The following CRPPA variants were observed in gnomAD, a reference collection of about 807,000 sequenced individuals.
CRPPA encodes D-ribitol-5-phosphate cytidylyltransferase.
In CRPPA, 43 loss-of-function variants were observed where a neutral mutation model predicts 52.0. That is an observed-to-expected ratio of 0.83 (90% CI 0.65 to 1.07). The LOEUF is 1.07. Ranked by LOEUF, CRPPA falls within the 50% of genes least tolerant of loss-of-function variation. The pLI is 0.00. For synonymous variants in CRPPA, 250 were observed against 203.5 expected, an observed-to-expected ratio of 1.23 and a Z score of -1.94; for missense variants, 629 against 551.7, an observed-to-expected ratio of 1.14 and a Z score of -1.40.
At chr7:16,364,915 T>C (rs1199986039) in intron 3 of CRPPA, among the ~76,000 whole-genome samples, 1 of 152,208 alleles carries the variant, frequency 6.6e-6, no homozygotes, top group African/African-American at 2.4e-5. Context: ...TATTAAAGAA[T>C]TCCAGTAAAA....
chr7:16,330,454 C>T (rs1435068341), intron 3 of CRPPA, among the ~76,000 whole-genome samples: 1 of 152,090 alleles, frequency 6.6e-6, no homozygotes, highest in Non-Finnish European at 1.5e-5. Context: ...AGCTGCTGTC[C>T]CCAGAATCAT....
At chr7:16,100,878 T>C (rs1216769511) in intron 9 of CRPPA, among the ~76,000 whole-genome samples, 1 of 152,236 alleles carries the variant, frequency 6.6e-6, no homozygotes, top group Non-Finnish European at 1.5e-5. Flanking sequence ...TTGAATATTA[T>C]TGAGGGCCTT....
At chr7:16,338,424 A>G (rs1785740649) in intron 3 of CRPPA, among the ~76,000 whole-genome samples, 1 of 152,222 alleles carries the variant, frequency 6.6e-6, no homozygotes, top group Non-Finnish European at 1.5e-5. Flanking sequence ...ATGGCTAACT[A>G]ACATCATTCT....
At chr7:16,149,144 T>C (rs1783028341) in intron 9 of CRPPA, among the ~76,000 whole-genome samples, 1 of 152,188 alleles carries the variant, frequency 6.6e-6, no homozygotes, top group Non-Finnish European at 1.5e-5. Flanking sequence ...AATATACATA[T>C]GGTTTGTTTC....
At chr7:16,142,140 G>A (rs1782885493) in intron 9 of CRPPA, among the ~76,000 whole-genome samples, 1 of 152,178 alleles carries the variant, frequency 6.6e-6, no homozygotes, top group South Asian at 2.1e-4. Context: ...GGGCATCTAA[G>A]AGCTCTGCCA....
intron 9 of CRPPA, among the ~76,000 whole-genome samples, chr7:16,125,886 C>T (rs528704386): frequency 9.7e-6 from 1 of 102,582 alleles, no homozygotes; most frequent in Non-Finnish European, 2.0e-5. Context: ...TAGAAGCTTG[C>T]CTACACACAC....
At chr7:16,284,312 A>G (rs1453202203) in intron 5 of CRPPA, among the ~76,000 whole-genome samples, 1 of 152,110 alleles carries the variant, frequency 6.6e-6, no homozygotes, top group Non-Finnish European at 1.5e-5. Flanking sequence ...ATAGACATAT[A>G]TAAGGGGAAG....
At chr7:16,285,383 T>C (rs1298402239) in intron 5 of CRPPA, among the ~76,000 whole-genome samples, 2 of 152,178 alleles carry the variant, frequency 1.3e-5, no homozygotes, top group Non-Finnish European at 2.9e-5. Flanking sequence ...CCTCTGAGTT[T>C]TAGTTTTTAC....
chr7:16,171,947 G>A (rs929178589), intron 9 of CRPPA, among the ~76,000 whole-genome samples: 2 of 152,056 alleles, frequency 1.3e-5, no homozygotes, highest in African/African-American at 4.8e-5. Context: ...TTTTCCAGTG[G>A]TTTAGACATG....
intron 5 of CRPPA, among the ~76,000 whole-genome samples, chr7:16,281,276 CT>C (rs1225978244): frequency 6.6e-6 from 1 of 150,642 alleles, no homozygotes; most frequent in Non-Finnish European, 1.5e-5. Flanking sequence ...CCCCTTTCAT[CT>C]TTTGTTAGAT....
intron 9 of CRPPA, among the ~76,000 whole-genome samples, chr7:16,092,539 CATAT>C (rs1158248765): frequency 6.6e-6 from 1 of 152,088 alleles, no homozygotes; most frequent in Non-Finnish European, 1.5e-5. Context: ...TTCTTGCATC[CATAT>C]ACATTGAGAT....
At chr7:16,291,775 T>C (rs934416377) in intron 5 of CRPPA, among the ~76,000 whole-genome samples, 3 of 151,928 alleles carry the variant, frequency 2.0e-5, no homozygotes, top group Non-Finnish European at 4.4e-5. Flanking sequence ...TTTGAGATGA[T>C]TGATACCCTC....
chr7:16,130,732 T>C (rs1268225965), intron 9 of CRPPA, among the ~76,000 whole-genome samples: 1 of 152,230 alleles, frequency 6.6e-6, no homozygotes, highest in Non-Finnish European at 1.5e-5. Flanking sequence ...TTGGAAAGTA[T>C]TCCTAGAAGT....
intron 6 of CRPPA, among the ~76,000 whole-genome samples, chr7:16,263,579 C>G (rs940949809): frequency 1.3e-5 from 2 of 152,032 alleles, no homozygotes; most frequent in African/African-American, 4.8e-5. Flanking sequence ...TGGTGAAACC[C>G]CCGTCTCTAC....
intron 8 of CRPPA, chr7:16,237,287 A>G (rs1305297387): frequency 1.3e-5 from 2 of 152,128 alleles, no homozygotes; most frequent in Admixed American, 1.3e-4. Flanking sequence ...GCTTATTAAC[A>G]CCAGAAATTT....
At chr7:16,415,088 T>A (rs1485874998) in intron 1 of CRPPA, among the ~76,000 whole-genome samples, 1 of 152,218 alleles carries the variant, frequency 6.6e-6, no homozygotes, top group Non-Finnish European at 1.5e-5. Context: ...CAGATACTGG[T>A]GGGTTCAGAG....
intron 9 of CRPPA, among the ~76,000 whole-genome samples, chr7:16,159,473 T>A (rs1783257434): frequency 6.6e-6 from 1 of 152,344 alleles, no homozygotes; most frequent in South Asian, 2.1e-4. Flanking sequence ...GTTAGCTTGC[T>A]GAGAATGATG....
chr7:16,124,486 T>C (rs973626120), intron 9 of CRPPA, among the ~76,000 whole-genome samples: 1 of 152,172 alleles, frequency 6.6e-6, no homozygotes, highest in African/African-American at 2.4e-5. Flanking sequence ...CATAAAGAGA[T>C]AAATGCTACA....
intron 2 of CRPPA, among the ~76,000 whole-genome samples, chr7:16,398,871 C>T (rs551941823): frequency 6.6e-6 from 1 of 152,232 alleles, no homozygotes; most frequent in African/African-American, 2.4e-5. Context: ...GTGTCCAACA[C>T]GTGACTCACA....
Sources: allele counts gnomAD v4.1 joint callset (sites outside exome capture counted in the v4.1 genomes callset), GRCh38; gene constraint gnomAD v4.1.1; transcripts MANE v1.5; gene names NCBI Gene and HGNC (gene_info 2026-07-23, HGNC 2026-07-21).